TMEM232: variants seen among roughly 807,000 people sequenced by gnomAD.
The protein encoded by TMEM232 is transmembrane protein 232.
In TMEM232, 80 loss-of-function variants were observed where a neutral mutation model predicts 78.8. That is an observed-to-expected ratio of 1.01 (90% CI 0.85 to 1.22). The LOEUF is 1.22. Ranked by LOEUF, TMEM232 falls within the 50% of genes most tolerant of loss-of-function variation. The probability of loss-of-function intolerance (pLI) is 0.00; values close to 1 mark genes in which losing one functional copy is unlikely to be tolerated. For synonymous variants in TMEM232, 297 were observed against 254.3 expected, an observed-to-expected ratio of 1.17 and a Z score of -1.60; for missense variants, 881 against 742.2, an observed-to-expected ratio of 1.19 and a Z score of -2.17.
intron 10 of TMEM232, among the ~76,000 whole-genome samples, chr5:110,594,363 G>A (rs1211410497): frequency 1.1e-4 from 17 of 152,094 alleles, no homozygotes; most frequent in Admixed American, 1.1e-3. Context: ...CAGGTTTCAG[G>A]CACAAAACTA....
chr5:110,735,390 T>C (rs937287901), intron 1 of TMEM232, among the ~76,000 whole-genome samples: 3 of 152,230 alleles, frequency 2.0e-5, no homozygotes, highest in Admixed American at 1.3e-4. Context: ...ATTTCTATCA[T>C]ATTATTTTCA....
chr5:110,683,907 A>AT (rs1793069871), intron 1 of TMEM232, among the ~76,000 whole-genome samples: 2 of 152,010 alleles, frequency 1.3e-5, no homozygotes, highest in African/African-American at 2.4e-5. Context: ...TGTAAAATCT[A>AT]TTTTTACAGA....
At chr5:110,645,641 C>G (rs2150035847) in intron 2 of TMEM232, among the ~76,000 whole-genome samples, 1 of 151,646 alleles carries the variant, frequency 6.6e-6, no homozygotes, top group Non-Finnish European at 1.5e-5. Context: ...AAACAGAAAA[C>G]TTTGCCTCTA....
intron 3 of TMEM232, 125 bp downstream of exon 3, chr5:110,642,135 C>A (rs1786817924): frequency 1.9e-6 from 1 of 532,788 alleles, no homozygotes. Context: ...AATATTTTAA[C>A]TATCCCTACT....
downstream of TMEM232, among the ~76,000 whole-genome samples, chr5:110,419,033 G>C (rs185370905): frequency 3.9e-5 from 6 of 152,246 alleles, no homozygotes; most frequent in Admixed American, 3.9e-4. Context: ...GGAAGGATGG[G>C]AGAAAATTGA....
At chr5:110,667,413 T>A in intron 1 of TMEM232, 49 bp from the exon 2 acceptor site, 6 of 1,340,052 alleles carry the variant, frequency 4.5e-6, no homozygotes, top group Non-Finnish European at 5.9e-6. Flanking sequence ...ACTCATAGTA[T>A]CAAACAACAT....
rs946491305 is a variant in TMEM232, at chr5:110,596,967, A to T, written c.1276+8142T>A. Reference sequence around the variant, plus strand: ...TGAAAACTGGCACAAGATAGGGATGACCTCTCTCACCCCTCCTATTCAACA... The same window carrying T: ...TGAAAACTGGCACAAGATAGGGATGTCCTCTCTCACCCCTCCTATTCAACA... On this transcript the variant is annotated intron_variant, in intron 10 of 13. Transcript: ENST00000455884. Among the ~76,000 whole-genome samples the T allele has an allele frequency of 2.0e-5, 3 of 152,008 alleles. No individual in the cohort carries two copies. The East Asian group carries it at 5.8e-4, about 29-fold the overall frequency.
At position 110,467,908 on chromosome 5, in the gene TMEM232, T is replaced by TTCTA. The variant is rs1554084155; in HGVS notation, c.1704-42993_1704-42992insTAGA. Among the ~76,000 whole-genome samples the TTCTA allele has an allele frequency of 4.3e-4, 66 of 152,272 alleles. 1 individual carries two copies. In the South Asian group the frequency reaches 0.013, roughly 31 times the overall value. ...TTTGTTGTTTGTTTTGGGAATCTTC[T>TTCTA]ATACTCTTTGGCTTTGGGTGCATCA... On this transcript the variant is annotated intron_variant, in intron 12 of 13. Coordinates refer to ENST00000455884, the MANE Select transcript of TMEM232 (RefSeq NM_001039763.4).
At chr5:110,625,198 T>C (rs1279364878) in intron 7 of TMEM232, 69 bp downstream of exon 7, 2 of 1,382,530 alleles carry the variant, frequency 1.4e-6, no homozygotes, top group Non-Finnish European at 1.9e-6. Context: ...TAAGCACCAT[T>C]ACTTAATCAT....
intron 10 of TMEM232, among the ~76,000 whole-genome samples, chr5:110,597,374 A>C (rs1780301900): frequency 6.6e-6 from 1 of 152,220 alleles, no homozygotes; most frequent in African/African-American, 2.4e-5. Flanking sequence ...GGATACAAAC[A>C]AATGGAAGAA....
At chr5:110,399,844 A>G (rs1755528964) in intron 2 of TMEM232, among the ~76,000 whole-genome samples, 1 of 152,058 alleles carries the variant, frequency 6.6e-6, no homozygotes, top group Non-Finnish European at 1.5e-5. Flanking sequence ...TCTTTTCTAG[A>G]TATTCTAAAG....
chr5:110,689,664 G>C (rs905158374), intron 1 of TMEM232, among the ~76,000 whole-genome samples: 7 of 152,050 alleles, frequency 4.6e-5, no homozygotes, highest in African/African-American at 1.7e-4. Flanking sequence ...CAAAAAAAGG[G>C]CCCATATAGC....
intron 2 of TMEM232, among the ~76,000 whole-genome samples, chr5:110,399,897 T>C (rs535650128): frequency 1.1e-4 from 17 of 152,236 alleles, no homozygotes; most frequent in Middle Eastern, 3.4e-3. Context: ...AGTCTTCATA[T>C]TTCATGGTGC....
chr5:110,573,124 C>T (rs1311674862), intron 10 of TMEM232, among the ~76,000 whole-genome samples: 1 of 151,978 alleles, frequency 6.6e-6, no homozygotes, highest in Non-Finnish European at 1.5e-5. Context: ...TATTAAGAAA[C>T]CACCACTGTA....
intron 1 of TMEM232, among the ~76,000 whole-genome samples, chr5:110,714,634 GAAAT>G (rs1213642381): frequency 6.6e-6 from 1 of 151,966 alleles, no homozygotes; most frequent in East Asian, 1.9e-4. Flanking sequence ...ACACAAACTA[GAAAT>G]AAAGAATTAT....
chr5:110,707,720 C>T (rs908906380), intron 1 of TMEM232, among the ~76,000 whole-genome samples: 1 of 152,168 alleles, frequency 6.6e-6, no homozygotes, highest in African/African-American at 2.4e-5. Context: ...CTTCCAACCC[C>T]AGGCAGTGCA....
chr5:110,605,194 G>T lies in TMEM232; in HGVS notation c.1191C>A (p.Tyr397Ter), dbSNP rs1207787407. The T allele has an allele frequency of 1.9e-6, 3 of 1,550,942 alleles. No individual in the cohort carries two copies. Among genetic ancestry groups the T allele is most frequent in the East Asian group, 2.5e-5 (1 of 40,792 alleles). ...ATTCTGGAGGTACTGATTTGTCCAA[G>T]TATAAAATATTTTTTTGTGAACTTT... ...HCKSSQKNIL[Y>*]LDKSVPPELK... Residue 397 changes from tyrosine to a stop codon, truncating the protein, a stop_gained, in exon 10 of 14, where the codon TAC becomes TAA. Coordinates refer to ENST00000455884, the MANE Select transcript of TMEM232 (RefSeq NM_001039763.4). LOFTEE classifies it high-confidence loss of function.
At chr5:110,424,674 G>A (rs958653139) in intron 13 of TMEM232, 149 bp downstream of exon 13, 1 of 648,662 alleles carries the variant, frequency 1.5e-6, no homozygotes. Context: ...AGATAACATA[G>A]TGAGATATAA....
chr5:110,641,005 A>G lies in TMEM232; in HGVS notation c.238-9T>C. On this transcript the variant is annotated splice_polypyrimidine_tract_variant and intron_variant, in intron 3 of 13. Coordinates refer to ENST00000455884, the MANE Select transcript of TMEM232 (RefSeq NM_001039763.4). ...TTGAGACCCAATTTTCTCTGTTATG[A>G]GGAAGCATGAAAAAGACAAATCAAA... The G allele has an allele frequency of 6.7e-7, 1 of 1,493,156 alleles. No individual in the cohort carries two copies. Among genetic ancestry groups the G allele is most frequent in the Non-Finnish European group, 8.9e-7 (1 of 1,118,298 alleles). 92.5% of individuals were successfully genotyped at this position (1,493,156 alleles called of 1,614,324 possible).
Sources: allele counts gnomAD v4.1 joint callset (sites outside exome capture counted in the v4.1 genomes callset), GRCh38; gene constraint gnomAD v4.1.1; transcripts MANE v1.5; gene names NCBI Gene and HGNC (gene_info 2026-07-23, HGNC 2026-07-21).